The following DNHD1 variants were observed in gnomAD, a reference collection of about 807,000 sequenced individuals.
DNHD1 encodes dynein heavy chain domain-containing protein 1.
In DNHD1, 383 loss-of-function variants were observed where a neutral mutation model predicts 458.1. The observed-to-expected ratio is 0.84, with a 90% CI of 0.77 to 0.91. The LOEUF is 0.91. DNHD1 is among the 40% of genes least tolerant of loss of function. The pLI, the probability that DNHD1 is intolerant of heterozygous loss-of-function variation, is 0.00. For synonymous variants in DNHD1, 2,203 were observed against 2,376.9 expected (o/e 0.93, Z 2.13); for missense variants, 5,336 against 5,866.1 (o/e 0.91, Z 2.95).
Position 6,497,953 on chromosome 11 carries a change from A to G in DNHD1, c.-263A>G. Reference sequence around the variant, plus strand: ...CAGAGTCTTTGGGGAAGCAGTAGGGAGGGCCTGAGGGTCTCAGGAAAGGCT... The same window carrying G: ...CAGAGTCTTTGGGGAAGCAGTAGGGGGGGCCTGAGGGTCTCAGGAAAGGCT... On this transcript the variant is annotated 5_prime_UTR_variant, in exon 3 of 43. Coordinates refer to ENST00000254579, the MANE Select transcript of DNHD1 (RefSeq NM_144666.3). 1.9e-6 allele frequency: 1 copy of G among 518,976 alleles called. No homozygotes were observed. The allele number at this position is 518,976 out of a possible 1,614,324, so 32.1% of individuals were successfully genotyped here.
Position 6,547,227 on chromosome 11 carries a change from C to T in DNHD1, c.6288C>T (p.Asp2096=). The change falls in exon 21 of 43, where the codon GAC becomes GAT. Residue 2096 remains aspartate (D), a synonymous_variant. Transcript: ENST00000254579. ...GAGCCTCCAATGGTGCTTGGCTGGA[C>T]TCCATCACTTGCCTCCTGAGTGAGC... ...CDGASNGAWL[D]SITCLLSELP... The T allele has an allele frequency of 6.4e-7, 1 of 1,551,806 alleles. No individual in the cohort carries two copies. Among genetic ancestry groups the T allele is most frequent in the South Asian group, 1.2e-5 (1 of 84,066 alleles).
At chr11:6,522,442 A>G (rs1852622536) in intron 10 of DNHD1, among the ~76,000 whole-genome samples, 1 of 152,200 alleles carries the variant, frequency 6.6e-6, no homozygotes, top group Non-Finnish European at 1.5e-5. Context: ...AAAGAGGGGA[A>G]CAACAGACAC....
At position 6,570,797 on chromosome 11, in the gene DNHD1, C is replaced by G. The variant is rs201400447; in HGVS notation, c.13285C>G (p.Arg4429Gly). Residue 4429 changes from arginine (R) to glycine (G), a missense_variant, in exon 42 of 43, where the codon CGA (arginine) becomes GGA (glycine). By Grantham distance (125) the Arg-to-Gly change is moderately radical (BLOSUM62 -2). Transcript: ENST00000254579. Reference sequence around the variant, plus strand: ...TTCACCCGTGTGGGTTCCTGAGTCTCGAAGAGGCGCCCAGCTTGCGGAAAG... The same window carrying G: ...TTCACCCGTGTGGGTTCCTGAGTCTGGAAGAGGCGCCCAGCTTGCGGAAAG... The part of the protein sequence containing the change: ...RSSPVWVPES[R>G]RGAQLAERRL... 4.3e-6 allele frequency: 7 copies of G among 1,613,668 alleles called. No individual in the cohort carries two copies. In the East Asian group the frequency reaches 8.9e-5, roughly 21 times the overall value.
In DNHD1 at chr11:6,546,657, T is replaced by G. The variant is rs1409863157; in HGVS notation, c.5718T>G (p.Ile1906Met). ...AGAAGCCTCGCAGCCTAGCTGCCAT[T>G]GAGGAGGCTGCCCTACTGCGCTCAC... The part of the protein sequence containing the change: ...KCQKPRSLAA[I>M]EEAALLRSPL... Residue 1906 changes from isoleucine to methionine, a missense_variant, in exon 21 of 43, where the codon ATT (isoleucine) becomes ATG (methionine). By Grantham distance (10) the Ile-to-Met change is conservative. Transcript: ENST00000254579. 1.3e-5 allele frequency: 8 copies of G among 635,914 alleles called. No individual in the cohort carries two copies. The highest frequency in any genetic ancestry group is 1.7e-5 in the Non-Finnish European group (7 of 411,724). The allele number at this position is 635,914 out of a possible 1,614,324, so 39.4% of individuals were successfully genotyped here.
Position 6,498,651 on chromosome 11 carries a change from C to G in DNHD1, c.436C>G (p.His146Asp). 1.2e-6 allele frequency: 2 copies of G among 1,614,244 alleles called. No individual in the cohort carries two copies. The highest frequency in any genetic ancestry group is 2.2e-5 in the South Asian group (2 of 91,080). The change falls in exon 3 of 43, where the codon CAT (histidine) becomes GAT (aspartate). Residue 146 changes from histidine to aspartate, a missense_variant. This residue lies in a region of DNHD1 where 3,932 missense variants were observed against 4,365.6 expected (regional missense o/e 0.90). Coordinates refer to ENST00000254579, the MANE Select transcript of DNHD1 (RefSeq NM_144666.3). The stretch of plus-strand genomic sequence containing the variant: ...CAGCTCTTTGTTAGACAGTGCTTCC[C>G]ATGCTGACTGCTGTCCCCAGAAGCG... ...PDSSLLDSAS[H>D]ADCCPQKRRL...
intron 7 of DNHD1, among the ~76,000 whole-genome samples, chr11:6,514,139 T>C (rs1411657405): frequency 6.6e-6 from 1 of 152,148 alleles, no homozygotes; most frequent in Non-Finnish European, 1.5e-5. Flanking sequence ...AGTCTGGCTG[T>C]GTCTCCCAGG....
intron 7 of DNHD1, among the ~76,000 whole-genome samples, chr11:6,512,787 G>T (rs1046931406): frequency 6.6e-6 from 1 of 151,942 alleles, no homozygotes; most frequent in Non-Finnish European, 1.5e-5. Context: ...CTCCACAAGG[G>T]TAGAGATCTT....
rs907965044 is a variant in DNHD1, at chr11:6,570,671, C to T, written c.13159C>T (p.Pro4387Ser). Residue 4387 changes from proline (P) to serine (S), a missense_variant, in exon 42 of 43, where the codon CCC becomes TCC. By Grantham distance (74) the Pro-to-Ser change is moderately conservative. Coordinates refer to ENST00000254579, the MANE Select transcript of DNHD1 (RefSeq NM_144666.3). ...AECKAQMHLL[P>S]SPPEPRLCGL... Reference sequence around the variant, plus strand: ...GTGCAAGGCCCAGATGCACCTACTGCCCTCACCACCTGAACCCCGGCTCTG... The same window carrying T: ...GTGCAAGGCCCAGATGCACCTACTGTCCTCACCACCTGAACCCCGGCTCTG... The T allele has an allele frequency of 3.7e-6, 6 of 1,611,942 alleles. No individual in the cohort carries two copies. Among genetic ancestry groups the T allele is most frequent in the Middle Eastern group, 1.6e-4 (1 of 6,062 alleles).
In DNHD1 at chr11:6,528,988, TCC is replaced by T; in HGVS notation, c.2216_2217del (p.Pro739HisfsTer35). 6.4e-7 allele frequency: 1 copy of T among 1,551,580 alleles called. No homozygotes were observed. Among genetic ancestry groups the T allele is most frequent in the South Asian group, 1.2e-5 (1 of 84,054 alleles). ...AGAAGCTGGAAGACATGAGAGGTGG[TCC>T]CATCAAGAACTACGTGACGCTGGTG... ...PQKLEDMRGG[P>X]IKNYVTLVSR... On this transcript the variant is annotated frameshift_variant, in exon 12 of 43. Coordinates refer to ENST00000254579, the MANE Select transcript of DNHD1 (RefSeq NM_144666.3). LOFTEE classifies it high-confidence loss of function.
At chr11:6,570,434 T>C in intron 41 of DNHD1, 38 bp downstream of exon 41, 1 of 1,576,530 alleles carries the variant, frequency 6.3e-7, no homozygotes, top group Non-Finnish European at 8.6e-7. Flanking sequence ...GGGTAGGGAA[T>C]AGTGCAATGC....
At position 6,511,332 on chromosome 11, in the gene DNHD1, A is replaced by G; in HGVS notation, c.1295A>G (p.Glu432Gly). The G allele has an allele frequency of 1.2e-6, 2 of 1,614,234 alleles. No individual in the cohort carries two copies. Among genetic ancestry groups the G allele is most frequent in the Non-Finnish European group, 1.7e-6 (2 of 1,180,028 alleles). The change falls in exon 7 of 43, where the codon GAG becomes GGG. Residue 432 changes from glutamate (E) to glycine (G), a missense_variant. Coordinates refer to ENST00000254579, the MANE Select transcript of DNHD1 (RefSeq NM_144666.3). The part of the protein sequence containing the change: ...WLPQELDRCY[E>G]LLDLQTALAE... ...CCCCAGGAACTGGATCGGTGCTATG[A>G]GCTGCTGGACCTGCAGACGGCTCTA...
chr11:6,549,083 C>T lies in DNHD1; in HGVS notation c.7387+150C>T, dbSNP rs143658201. On this transcript the variant is annotated intron_variant, in intron 24 of 42. Transcript: ENST00000254579. ...TATCTTCTCATTCTACATATGCTCCCTGAACAATCCCATCCACTCTCATGG... is the reference window on the plus strand; with the variant it reads ...TATCTTCTCATTCTACATATGCTCCTTGAACAATCCCATCCACTCTCATGG... 1.9e-4 allele frequency: 158 copies of T among 844,074 alleles called. No homozygotes were observed. The African/African-American group carries it at 2.2e-3, about 12-fold the overall frequency. 52.3% of individuals were successfully genotyped at this position (844,074 alleles called of 1,614,324 possible).
In DNHD1 at chr11:6,498,141, G is replaced by T; in HGVS notation, c.-75G>T. On this transcript the variant is annotated 5_prime_UTR_variant, in exon 3 of 43. Transcript: ENST00000254579. ...CCATGCAGGTGAGGCCCCGCATCTG[G>T]CATCCTGGAACTGGCAGTTGGAGCC... 6.4e-7 allele frequency: 1 copy of T among 1,555,740 alleles called. No individual in the cohort carries two copies. The highest frequency in any genetic ancestry group is 8.7e-7 in the Non-Finnish European group (1 of 1,149,032).
chr11:6,533,836 C>T lies in DNHD1; in HGVS notation c.2661C>T (p.Ile887=). 3 of 1,551,092 alleles carry T rather than the reference C, an allele frequency of 1.9e-6. No individual in the cohort carries two copies. The highest frequency in any genetic ancestry group is 2.6e-6 in the Non-Finnish European group (3 of 1,146,742). Residue 887 remains isoleucine, a synonymous_variant, in exon 14 of 43, where the codon ATC becomes ATT. Transcript: ENST00000254579. ...SVRRQFGESP[I]PPCPPPPQPH... Reference sequence around the variant, plus strand: ...GAAGGCAATTCGGGGAGTCACCCATCCCTCCCTGCCCTCCTCCCCCACAAC... The same window carrying T: ...GAAGGCAATTCGGGGAGTCACCCATTCCTCCCTGCCCTCCTCCCCCACAAC...
At position 6,558,633 on chromosome 11, in the gene DNHD1, G is replaced by A; in HGVS notation, c.9151G>A (p.Ala3051Thr). 3 of 1,551,616 alleles carry A rather than the reference G, an allele frequency of 1.9e-6. No individual in the cohort carries two copies. Among genetic ancestry groups the A allele is most frequent in the Non-Finnish European group, 2.6e-6 (3 of 1,146,998 alleles). ...IDRYEPWDQA[A>T]LAKVAQHHLE... ...CCGCTATGAACCCTGGGACCAAGCT[G>A]CCCTGGCCAAGGTGGCCCAGCATCA... Residue 3051 changes from alanine to threonine, a missense_variant, in exon 26 of 43, where the codon GCC becomes ACC. By Grantham distance (58) the Ala-to-Thr change is moderately conservative (BLOSUM62 0). Around this residue, in one of 4 missense-constraint regions of DNHD1, gnomAD observed 3,932 missense variants for 4,365.6 expected, o/e 0.90. Transcript: ENST00000254579.
At position 6,505,257 on chromosome 11, in the gene DNHD1, T is replaced by A. The variant is rs1052298901; in HGVS notation, c.920+2331T>A. On this transcript the variant is annotated intron_variant, in intron 4 of 42. Transcript: ENST00000254579. The surrounding 1 kb of genome is among the most constrained non-coding windows in gnomAD (Gnocchi z 4.4). Reference sequence around the variant, plus strand: ...GGTTTTTTATTTTTATTTTTATTATTTTTTTTTAAGATGGAGTCTCACTCT... The same window carrying A: ...GGTTTTTTATTTTTATTTTTATTATATTTTTTTAAGATGGAGTCTCACTCT... Among the ~76,000 whole-genome samples the A allele has an allele frequency of 1.3e-5, 2 of 151,726 alleles. No homozygotes were observed. Among genetic ancestry groups the A allele is most frequent in the African/African-American group, 4.8e-5 (2 of 41,282 alleles).
At chr11:6,567,919 G>A in intron 36 of DNHD1, 59 bp downstream of exon 36, 1 of 1,501,002 alleles carries the variant, frequency 6.7e-7, no homozygotes, top group South Asian at 1.3e-5. Context: ...GGGGCATGGG[G>A]GACCCCCTCC....
intron 24 of DNHD1, among the ~76,000 whole-genome samples, chr11:6,552,011 G>A (rs1853364459): frequency 6.7e-6 from 1 of 149,456 alleles, no homozygotes; most frequent in Non-Finnish European, 1.5e-5. Flanking sequence ...GGGAGGCTTA[G>A]GCAGGAGGAT....
intron 3 of DNHD1, 142 bp downstream of exon 3, chr11:6,499,103 A>AGTTG: frequency 1.1e-6 from 1 of 942,336 alleles, no homozygotes; most frequent in Non-Finnish European, 1.5e-6. Flanking sequence ...AGCTAGTGTG[A>AGTTG]GGCTACTTTC....
Sources: allele counts gnomAD v4.1 joint callset (sites outside exome capture counted in the v4.1 genomes callset), GRCh38; gene constraint gnomAD v4.1.1; regional missense constraint gnomAD v4.1.1; non-coding constraint Gnocchi (gnomAD v3.1); transcripts MANE v1.5; gene names NCBI Gene and HGNC (gene_info 2026-07-23, HGNC 2026-07-21).